MLLT3: variants seen among roughly 807,000 people sequenced by gnomAD.
The protein encoded by MLLT3 is protein AF-9.
A neutral mutation model predicts 53.2 loss-of-function variants in MLLT3; 4 were observed. The observed-to-expected ratio is 0.08, with a 90% confidence interval of 0.04 to 0.17. The LOEUF (loss-of-function observed/expected upper bound fraction) is 0.17. Ranked by LOEUF, MLLT3 falls within the 10% of genes least tolerant of loss-of-function variation. The pLI is 1.00. For synonymous variants in MLLT3, 283 were observed against 230.6 expected (o/e 1.23, Z -2.06); for missense variants, 569 against 684.0 (o/e 0.83, Z 1.87).
intron 2 of MLLT3, among the ~76,000 whole-genome samples, chr9:20,605,629 A>C (rs774145145): frequency 8.5e-5 from 13 of 152,062 alleles, no homozygotes; most frequent in Non-Finnish European, 1.5e-4. Context: ...CGCCTAAAGA[A>C]CAATTTTAAT....
intron 2 of MLLT3, among the ~76,000 whole-genome samples, chr9:20,509,245 TG>T (rs1234973708): frequency 6.6e-6 from 1 of 152,262 alleles, no homozygotes; most frequent in Admixed American, 6.5e-5. Context: ...CTACCAAAGA[TG>T]GCAATCTTTT....
chr9:20,586,897 C>T (rs1037810618), intron 2 of MLLT3, among the ~76,000 whole-genome samples: 8 of 152,066 alleles, frequency 5.3e-5, no homozygotes, highest in South Asian at 2.1e-4. Flanking sequence ...CTATCTGCTA[C>T]ATCCTTTATT....
At chr9:20,531,388 G>A (rs910064227) in intron 2 of MLLT3, among the ~76,000 whole-genome samples, 3 of 151,966 alleles carry the variant, frequency 2.0e-5, no homozygotes, top group African/African-American at 7.2e-5. Context: ...CACCCACCTT[G>A]GGCTCCCACA....
chr9:20,453,127 A>G (rs1390520247), intron 3 of MLLT3, among the ~76,000 whole-genome samples: 3 of 152,216 alleles, frequency 2.0e-5, no homozygotes, highest in Admixed American at 1.3e-4. Flanking sequence ...CTAAGAAAAC[A>G]AAAAAGTGGC....
rs2094844 is a variant in MLLT3 at position 20,575,604 on chromosome 9, G to A, written c.193+45050C>T. Among the ~76,000 whole-genome samples, 66 of 152,216 alleles carry A rather than the reference G, an allele frequency of 4.3e-4. 1 individual carries two copies. In the South Asian group the frequency reaches 0.012, roughly 27 times the overall value. ...GCATAATAACTACAGTAATTTCCTC[G>A]TGTATCTCCATCGAGCTCTTGGGTG... On this transcript the variant is annotated intron_variant, in intron 2 of 10. Transcript: ENST00000380338.
chr9:20,552,135 T>C (rs1403190648), intron 2 of MLLT3, among the ~76,000 whole-genome samples: 2 of 152,194 alleles, frequency 1.3e-5, no homozygotes, highest in Non-Finnish European at 1.5e-5. Context: ...CTCAGAAGCA[T>C]ATTGGCAGAG....
intron 2 of MLLT3, among the ~76,000 whole-genome samples, chr9:20,547,812 T>C (rs1467468113): frequency 6.6e-6 from 1 of 152,096 alleles, no homozygotes; most frequent in Non-Finnish European, 1.5e-5. Flanking sequence ...ATTAGCCAAG[T>C]GTGGTAGTGC....
At chr9:20,471,953 GAAT>G (rs1053691169) in intron 2 of MLLT3, among the ~76,000 whole-genome samples, 2 of 151,604 alleles carry the variant, frequency 1.3e-5, no homozygotes, top group Non-Finnish European at 2.9e-5. Context: ...GATCCTAAAA[GAAT>G]ATATTATTAG....
chr9:20,470,031 T>C (rs917545694), intron 2 of MLLT3, among the ~76,000 whole-genome samples: 2 of 152,058 alleles, frequency 1.3e-5, no homozygotes, highest in African/African-American at 4.8e-5. Flanking sequence ...AATTTATTTA[T>C]ATAAAAAGAA....
chr9:20,545,967 T>G (rs867567957), intron 2 of MLLT3, among the ~76,000 whole-genome samples: 1 of 151,998 alleles, frequency 6.6e-6, no homozygotes, highest in African/African-American at 2.4e-5. Flanking sequence ...TGCAGTGAGC[T>G]ATGATCGTGC....
chr9:20,530,509 G>A (rs892638114), intron 2 of MLLT3, among the ~76,000 whole-genome samples: 3 of 152,162 alleles, frequency 2.0e-5, no homozygotes, highest in Admixed American at 6.5e-5. Context: ...TCTAGATGAC[G>A]GAGAGAGGAA....
At chr9:20,412,401 C>G (rs1186475328) in intron 5 of MLLT3, among the ~76,000 whole-genome samples, 3 of 152,178 alleles carry the variant, frequency 2.0e-5, no homozygotes, top group African/African-American at 7.2e-5. Flanking sequence ...TTCCCAATGT[C>G]CAGTATTTTA....
At chr9:20,391,281 G>A (rs895848988) in intron 5 of MLLT3, among the ~76,000 whole-genome samples, 4 of 152,102 alleles carry the variant, frequency 2.6e-5, no homozygotes, top group African/African-American at 9.7e-5. Context: ...GAAAATCCTT[G>A]CTAATTTCTA....
At chr9:20,374,010 T>G (rs1290193512) in intron 5 of MLLT3, among the ~76,000 whole-genome samples, 1 of 151,690 alleles carries the variant, frequency 6.6e-6, no homozygotes, top group Non-Finnish European at 1.5e-5. Context: ...AAAAACCACT[T>G]AAAAGTCCAC....
intron 2 of MLLT3, among the ~76,000 whole-genome samples, chr9:20,457,203 C>G (rs1288562815): frequency 6.9e-6 from 1 of 145,104 alleles, no homozygotes; most frequent in African/African-American, 2.6e-5. Context: ...CCCACCTTAA[C>G]TTCTGACTTG....
chr9:20,501,112 C>A (rs1825213292), intron 2 of MLLT3, among the ~76,000 whole-genome samples: 1 of 152,206 alleles, frequency 6.6e-6, no homozygotes, highest in African/African-American at 2.4e-5. Flanking sequence ...TATCCATTCA[C>A]TAGTTAAAAT....
intron 2 of MLLT3, among the ~76,000 whole-genome samples, chr9:20,550,151 C>T (rs1031940829): frequency 5.3e-5 from 8 of 152,292 alleles, no homozygotes; most frequent in South Asian, 4.2e-4. Flanking sequence ...TCTAATCCCA[C>T]GTAACAAGGT....
chr9:20,350,749 T>A (rs1477516737), intron 10 of MLLT3, among the ~76,000 whole-genome samples: 1 of 152,220 alleles, frequency 6.6e-6, no homozygotes, highest in Non-Finnish European at 1.5e-5. Flanking sequence ...CAAGCGGTAC[T>A]ACGCAGGCTG....
intron 2 of MLLT3, among the ~76,000 whole-genome samples, chr9:20,569,049 G>A (rs551544051): frequency 1.3e-5 from 2 of 152,104 alleles, no homozygotes; most frequent in Non-Finnish European, 2.9e-5. Context: ...AGAGCCTCAG[G>A]TTCCAACGTA....
Sources: gnomAD v4.1 joint callset for allele counts (sites outside exome capture counted in the v4.1 genomes callset) on GRCh38, gnomAD v4.1.1 for gene constraint, MANE v1.5 for transcripts, NCBI Gene and HGNC (gene_info 2026-07-23, HGNC 2026-07-21) for gene names.